The following MARCHF1 variants were observed in gnomAD, a reference collection of about 807,000 sequenced individuals.
MARCHF1 encodes membrane associated ring-CH-type finger 1.
MARCHF1 carries 40 observed loss-of-function variants against 54.2 expected under a neutral mutation model. The ratio of observed to expected loss-of-function variants is 0.74; its 90% CI spans 0.57 to 0.96. MARCHF1 has a LOEUF of 0.96. Among genes scored for constraint, MARCHF1 ranks in the 40% least tolerant of loss-of-function variants. MARCHF1 has a pLI of 0.00. For synonymous variants in MARCHF1, 236 were observed against 236.3 expected, an observed-to-expected ratio of 1.00 and a Z score of 0.01; for missense variants, 586 against 656.5, an observed-to-expected ratio of 0.89 and a Z score of 1.17.
chr4:164,113,440 G>C (rs1035863879), intron 1 of MARCHF1, among the ~76,000 whole-genome samples: 1 of 151,724 alleles, frequency 6.6e-6, no homozygotes, highest in African/African-American at 2.4e-5. Flanking sequence ...AGACAATACA[G>C]AAAGGGAGAA....
intron 8 of MARCHF1, among the ~76,000 whole-genome samples, chr4:163,573,295 C>CA (rs1000361550): frequency 2.5e-4 from 36 of 144,326 alleles, no homozygotes; most frequent in South Asian, 4.4e-4. Flanking sequence ...TGCTTTTTCT[C>CA]TTATTATTAT....
At chr4:163,881,349 T>TA (rs1386254814) in intron 3 of MARCHF1, among the ~76,000 whole-genome samples, 1 of 152,100 alleles carries the variant, frequency 6.6e-6, no homozygotes, top group African/African-American at 2.4e-5. Flanking sequence ...CAGGTGCCTG[T>TA]AATCCCAGCT....
At chr4:163,620,175 C>T (rs369611489) in intron 5 of MARCHF1, among the ~76,000 whole-genome samples, 3 of 152,110 alleles carry the variant, frequency 2.0e-5, no homozygotes, top group African/African-American at 7.2e-5. Context: ...GATGATCAAT[C>T]TCAATAAGCA....
At chr4:163,654,737 C>T (rs1474030368) in intron 5 of MARCHF1, among the ~76,000 whole-genome samples, 2 of 151,556 alleles carry the variant, frequency 1.3e-5, no homozygotes, top group Non-Finnish European at 3.0e-5. Flanking sequence ...TCATCAGTGT[C>T]TTTCTTAGAC....
At chr4:164,144,367 T>C (rs574648686) in intron 1 of MARCHF1, among the ~76,000 whole-genome samples, 1,688 of 149,628 alleles carry the variant, frequency 0.011, 29 homozygotes, top group African/African-American at 0.04. Context: ...ACAGAATATA[T>C]ATTTTTTTCA....
intron 9 of MARCHF1, among the ~76,000 whole-genome samples, chr4:163,542,933 A>G (rs372304221): frequency 7.2e-5 from 11 of 152,212 alleles, no homozygotes; most frequent in African/African-American, 2.6e-4. Context: ...GTGAGAATAT[A>G]TGAGTGTTTG....
At chr4:163,925,672 A>G (rs1751521649) in intron 3 of MARCHF1, among the ~76,000 whole-genome samples, 1 of 151,822 alleles carries the variant, frequency 6.6e-6, no homozygotes, top group Admixed American at 6.6e-5. Context: ...TAAATATTTA[A>G]GTAGAACATA....
chr4:164,269,521 G>A (rs1733691468), intron 1 of MARCHF1, among the ~76,000 whole-genome samples: 1 of 152,072 alleles, frequency 6.6e-6, no homozygotes, highest in Non-Finnish European at 1.5e-5. Flanking sequence ...ATTCATCATA[G>A]CACAAATATC....
intron 1 of MARCHF1, among the ~76,000 whole-genome samples, chr4:164,124,060 A>T (rs1017999133): frequency 6.6e-6 from 1 of 151,974 alleles, no homozygotes; most frequent in Non-Finnish European, 1.5e-5. Context: ...ACAGGAAAAA[A>T]ATTGTAATAA....
rs749165687 is a variant in MARCHF1, at chr4:163,816,088, A to T, written c.111+37933T>A. Among the ~76,000 whole-genome samples, 42 of 152,218 alleles carry T rather than the reference A, an allele frequency of 2.8e-4. 1 individual carries two copies. The highest frequency in any genetic ancestry group is 5.3e-4 in the Non-Finnish European group (36 of 68,026). ...ATTGCATCAGAGTTGCCTCATTTCT[A>T]CTAAATGAACAATAAAATCGCACTT... On this transcript the variant is annotated intron_variant, in intron 4 of 9. Coordinates refer to ENST00000514618, the MANE Select transcript of MARCHF1 (RefSeq NM_001394959.1).
At chr4:164,179,308 T>TA (rs1337803402) in intron 1 of MARCHF1, among the ~76,000 whole-genome samples, 1 of 152,128 alleles carries the variant, frequency 6.6e-6, no homozygotes, top group African/African-American at 2.4e-5. Flanking sequence ...CTAAAATTAT[T>TA]AAAAAATAAT....
intron 1 of MARCHF1, among the ~76,000 whole-genome samples, chr4:164,305,671 C>G (rs770405260): frequency 6.6e-6 from 1 of 152,040 alleles, no homozygotes; most frequent in Non-Finnish European, 1.5e-5. Flanking sequence ...TTACCAATGA[C>G]TAATAGTGAA....
chr4:164,248,856 C>G (rs984503942), intron 1 of MARCHF1, among the ~76,000 whole-genome samples: 1 of 151,944 alleles, frequency 6.6e-6, no homozygotes, highest in African/African-American at 2.4e-5. Flanking sequence ...AAACACTATA[C>G]TGTTTCATAT....
intron 8 of MARCHF1, among the ~76,000 whole-genome samples, chr4:163,572,785 T>C (rs549484961): frequency 2.0e-5 from 3 of 152,198 alleles, no homozygotes; most frequent in Non-Finnish European, 2.9e-5. Context: ...TTCTTCACCA[T>C]CAAGAATGAG....
intron 2 of MARCHF1, among the ~76,000 whole-genome samples, chr4:164,013,146 A>G (rs1753459026): frequency 6.6e-6 from 1 of 152,184 alleles, no homozygotes; most frequent in Admixed American, 6.5e-5. Flanking sequence ...AAATTTCAAG[A>G]TAACACAAAG....
In MARCHF1 at chr4:164,278,289, A is replaced by G. The variant is rs185133914; in HGVS notation, c.-323+105581T>C. 1.8e-3 allele frequency among the ~76,000 whole-genome samples: 278 copies of G among 152,310 alleles called. 1 individual carries two copies. The highest frequency in any genetic ancestry group is 6.3e-3 in the African/African-American group (260 of 41,580). On this transcript the variant is annotated intron_variant, in intron 1 of 9. Transcript: ENST00000514618. ...CGCACCACTGCACTCAAGCCTGGGT[A>G]ATAGAGTAAGACCCTGTCTCAAAAA...
At chr4:164,273,676 C>T (rs1456061237) in intron 1 of MARCHF1, among the ~76,000 whole-genome samples, 1 of 152,122 alleles carries the variant, frequency 6.6e-6, no homozygotes, top group Non-Finnish European at 1.5e-5. Flanking sequence ...AAGTGACTGA[C>T]GGATCTTAAA....
chr4:164,092,531 C>A (rs1196299344), intron 2 of MARCHF1, among the ~76,000 whole-genome samples: 1 of 152,008 alleles, frequency 6.6e-6, no homozygotes, highest in Non-Finnish European at 1.5e-5. Context: ...TATTCTATAT[C>A]CAGAATACTT....
At chr4:163,997,950 ACACACACG>A (rs1033914064) in intron 2 of MARCHF1, among the ~76,000 whole-genome samples, 26 of 149,956 alleles carry the variant, frequency 1.7e-4, no homozygotes, top group African/African-American at 6.4e-4. Context: ...ACACACACAC[ACACACACG>A]TAGATTCTAC....
Sources: gnomAD v4.1 joint callset for allele counts (sites outside exome capture counted in the v4.1 genomes callset) on GRCh38, gnomAD v4.1.1 for gene constraint, MANE v1.5 for transcripts, NCBI Gene and HGNC (gene_info 2026-07-23, HGNC 2026-07-21) for gene names.